Variants in ADAMTS19 observed in about 807,000 individuals in gnomAD.
ADAMTS19 encodes the protein ADAM metallopeptidase with thrombospondin type 1 motif 19, also known as A disintegrin and metalloproteinase with thrombospondin motifs 19.
A neutral mutation model predicts 153.3 loss-of-function variants in ADAMTS19; 93 were observed. The ratio of observed to expected loss-of-function variants is 0.61; its 90% CI spans 0.51 to 0.72. ADAMTS19 has a LOEUF of 0.72. Ranked by LOEUF, ADAMTS19 falls within the 30% of genes least tolerant of loss-of-function variation. The probability of loss-of-function intolerance (pLI) is 0.00; values close to 1 mark genes in which losing one functional copy is unlikely to be tolerated. For missense variants in ADAMTS19, 1,482 were observed against 1,552.1 expected (o/e 0.95, Z 0.76); for synonymous variants, 600 against 556.6 (o/e 1.08, Z -1.10).
chr5:129,595,087 T>C (rs72790631), intron 7 of ADAMTS19, among the ~76,000 whole-genome samples: 17,820 of 152,202 alleles, frequency 0.12, 1,089 homozygotes, highest in Middle Eastern at 0.16. Flanking sequence ...TGTAGTTATG[T>C]TTCTAAAAAT....
chr5:129,726,338 G>T (rs139368611), intron 21 of ADAMTS19, among the ~76,000 whole-genome samples: 2 of 152,204 alleles, frequency 1.3e-5, no homozygotes, highest in East Asian at 3.9e-4. Context: ...CCTTGTAAAA[G>T]AAATTTCAAT....
At chr5:129,601,575 G>A (rs1750651870) in intron 8 of ADAMTS19, among the ~76,000 whole-genome samples, 3 of 152,110 alleles carry the variant, frequency 2.0e-5, no homozygotes, top group African/African-American at 7.2e-5. Flanking sequence ...TTTGCTCATG[G>A]TTACAGTTTA....
At chr5:129,658,338 A>AG (rs1491178914) in intron 14 of ADAMTS19, among the ~76,000 whole-genome samples, 23 of 108,568 alleles carry the variant, frequency 2.1e-4, no homozygotes, top group East Asian at 1.6e-3. Flanking sequence ...AGAAAGAAAG[A>AG]AAGAAAGAAA....
intron 16 of ADAMTS19, among the ~76,000 whole-genome samples, chr5:129,666,656 C>T (rs1754066921): frequency 6.6e-6 from 1 of 152,198 alleles, no homozygotes; most frequent in Admixed American, 6.5e-5. Context: ...CACTCATTAC[C>T]AATTATTACC....
At chr5:129,735,556 TG>T in intron 22 of ADAMTS19, among the ~76,000 whole-genome samples, 1 of 136,310 alleles carries the variant, frequency 7.3e-6, no homozygotes, top group African/African-American at 2.7e-5. Context: ...TCAAGAAGAA[TG>T]GGTGCATGGA....
At chr5:129,611,931 C>A (rs1561602305) in intron 8 of ADAMTS19, among the ~76,000 whole-genome samples, 1 of 151,924 alleles carries the variant, frequency 6.6e-6, no homozygotes, top group Non-Finnish European at 1.5e-5. Flanking sequence ...AGAGTGGGGG[C>A]TAATATTCAA....
chr5:129,624,675 G>A (rs921322147), intron 10 of ADAMTS19, among the ~76,000 whole-genome samples: 4 of 152,066 alleles, frequency 2.6e-5, no homozygotes, highest in African/African-American at 9.7e-5. Context: ...CTGTTAAATT[G>A]TAGATTCTTT....
chr5:129,470,957 C>T (rs1750043577), intron 2 of ADAMTS19, among the ~76,000 whole-genome samples: 1 of 151,980 alleles, frequency 6.6e-6, no homozygotes, highest in South Asian at 2.1e-4. Flanking sequence ...CTCAGCCTGG[C>T]TTTACTTAAA....
chr5:129,561,816 CCTA>C (rs1753530186), intron 7 of ADAMTS19, among the ~76,000 whole-genome samples: 2 of 145,708 alleles, frequency 1.4e-5, no homozygotes, highest in South Asian at 2.2e-4. Flanking sequence ...CACATTTCAC[CCTA>C]CTATCTATCT....
chr5:129,474,912 A>C (rs1750177224), intron 2 of ADAMTS19, among the ~76,000 whole-genome samples: 1 of 152,106 alleles, frequency 6.6e-6, no homozygotes, highest in African/African-American at 2.4e-5. Context: ...GTCTACTCAA[A>C]ACTTTTGCCA....
At position 129,648,970 on chromosome 5, in the gene ADAMTS19, G is replaced by A; in HGVS notation, c.2176G>A (p.Glu726Lys). 3 of 1,586,430 alleles carry A rather than the reference G, an allele frequency of 1.9e-6. No homozygotes were observed. The highest frequency in any genetic ancestry group is 2.6e-6 in the Non-Finnish European group (3 of 1,160,202). The change falls in exon 13 of 23, where the codon GAA (glutamate) becomes AAA (lysine). Residue 726 changes from glutamate to lysine, a missense_variant and splice_region_variant. Glu to Lys is a moderately conservative substitution (Grantham distance 56, BLOSUM62 1). This residue lies in a region of ADAMTS19 where 616 missense variants were observed against 724.4 expected (regional missense o/e 0.85). Transcript: ENST00000274487. ...TCAGTGGCAAGCTGTCCTGGATGAA[G>A]GTATGACCAACCAGATCACCACCAT... Reference protein sequence around the residue: ...ILQWQAVLDEEKPCALFCSPV... With the variant: ...ILQWQAVLDEKKPCALFCSPV...
At chr5:129,548,635 A>G (rs1227451153) in intron 6 of ADAMTS19, among the ~76,000 whole-genome samples, 2 of 151,788 alleles carry the variant, frequency 1.3e-5, no homozygotes, top group African/African-American at 4.8e-5. Flanking sequence ...TCAGGGATCT[A>G]GAACTAGAAA....
chr5:129,564,028 G>A (rs1042321272), intron 7 of ADAMTS19, among the ~76,000 whole-genome samples: 34 of 151,814 alleles, frequency 2.2e-4, no homozygotes, highest in Non-Finnish European at 4.0e-4. Context: ...CAAGCGATTC[G>A]CCTGCCTCAG....
chr5:129,665,455 T>A (rs1561636749), intron 15 of ADAMTS19, 44 bp from the exon 16 acceptor site: 1 of 1,458,638 alleles, frequency 6.9e-7, no homozygotes, highest in Non-Finnish European at 9.3e-7. Context: ...AAAGAGATTT[T>A]GAAGGAACTC....
intron 21 of ADAMTS19, among the ~76,000 whole-genome samples, chr5:129,704,844 A>G (rs1002596048): frequency 2.0e-5 from 3 of 152,152 alleles, no homozygotes; most frequent in Non-Finnish European, 4.4e-5. Context: ...TGTGTATGGT[A>G]GAAATGGAAA....
chr5:129,732,168 C>T (rs530120782), intron 21 of ADAMTS19, among the ~76,000 whole-genome samples: 25 of 151,876 alleles, frequency 1.6e-4, no homozygotes, highest in African/African-American at 3.9e-4. Flanking sequence ...TGCAAGAAAT[C>T]GGTTAAAAGT....
chr5:129,586,011 T>C (rs147538164), intron 7 of ADAMTS19, among the ~76,000 whole-genome samples: 105 of 152,308 alleles, frequency 6.9e-4, no homozygotes, highest in African/African-American at 2.3e-3. Flanking sequence ...AAATTTCTTA[T>C]AGACTATTTT....
Position 129,461,340 on chromosome 5 carries a change from G to A in ADAMTS19, c.330G>A (p.Arg110=). ...PVEGRSESRL[R]PPPPSEGEED... ...AGGGCCGATCAGAGTCCCGGCTCCG[G>A]CCCCCGCCGCCGTCGGAGGGTGAGG... Residue 110 remains arginine, a synonymous_variant, in exon 2 of 23, where the codon CGG becomes CGA. Coordinates refer to ENST00000274487, the MANE Select transcript of ADAMTS19 (RefSeq NM_133638.6). The surrounding 1 kb of genome is among the most constrained non-coding windows in gnomAD (Gnocchi z 4.6). 7.5e-7 allele frequency: 1 copy of A among 1,333,230 alleles called. No individual in the cohort carries two copies. The allele number at this position is 1,333,230 out of a possible 1,614,324, so 82.6% of individuals were successfully genotyped here.
At chr5:129,732,308 C>T (rs1391940691) in intron 21 of ADAMTS19, among the ~76,000 whole-genome samples, 1 of 151,978 alleles carries the variant, frequency 6.6e-6, no homozygotes, top group Non-Finnish European at 1.5e-5. Flanking sequence ...TCAACATAGC[C>T]CTGGAAGTCC....
Sources: allele counts gnomAD v4.1 joint callset (sites outside exome capture counted in the v4.1 genomes callset), GRCh38; gene constraint gnomAD v4.1.1; regional missense constraint gnomAD v4.1.1; non-coding constraint Gnocchi (gnomAD v3.1); transcripts MANE v1.5; gene names NCBI Gene and HGNC (gene_info 2026-07-23, HGNC 2026-07-21).